The following PKHD1L1 variants were observed in gnomAD, a reference collection of about 807,000 sequenced individuals.
The protein encoded by PKHD1L1 is fibrocystin-L.
Under a neutral mutation model 462.9 loss-of-function variants are expected in PKHD1L1, and 434 were observed. That is an observed-to-expected ratio of 0.94 (90% confidence interval 0.87 to 1.02). The LOEUF is 1.02. PKHD1L1 is among the 50% of genes least tolerant of loss of function. The pLI, the probability that PKHD1L1 is intolerant of heterozygous loss-of-function variation, is 0.00. For missense variants in PKHD1L1, 5,202 were observed against 5,096.1 expected (o/e 1.02, Z -0.63); for synonymous variants, 1,781 against 1,750.0 (o/e 1.02, Z -0.44).
In PKHD1L1 at chr8:109,533,106, C is replaced by A. The variant is rs1230975544; in HGVS notation, c.*3016C>A. Among the ~76,000 whole-genome samples, 1 of 152,206 alleles carries A rather than the reference C, an allele frequency of 6.6e-6. No individual in the cohort carries two copies. The highest frequency in any genetic ancestry group is 1.5e-5 in the Non-Finnish European group (1 of 68,022). On this transcript the variant is annotated 3_prime_UTR_variant, in exon 78 of 78. Transcript: ENST00000378402. ...TTTAACTCCAGAGCCCAAATTCCAA[C>A]ATTTAATTGCTTCCCACTTTTCCTC... is the stretch of plus-strand genomic sequence containing the variant.
rs1563704176 is a variant in PKHD1L1 at position 109,364,142 on chromosome 8, A to G, written c.74-405A>G. Among the ~76,000 whole-genome samples, 7 of 152,002 alleles carry G rather than the reference A, an allele frequency of 4.6e-5. No individual in the cohort carries two copies. In the South Asian group the frequency reaches 1.5e-3, roughly 32 times the overall value. ...AGTCTTTCAAACTACCTAGCATTGCATTTCTTCTGTGCTCTTATAATGACC... is the reference window on the plus strand; with the variant it reads ...AGTCTTTCAAACTACCTAGCATTGCGTTTCTTCTGTGCTCTTATAATGACC... On this transcript the variant is annotated intron_variant, in intron 1 of 77. Transcript: ENST00000378402.
intron 14 of PKHD1L1, among the ~76,000 whole-genome samples, chr8:109,402,092 C>G (rs1485842151): frequency 1.3e-5 from 2 of 152,122 alleles, no homozygotes; most frequent in African/African-American, 4.8e-5. Flanking sequence ...AGGTCAAGTC[C>G]AAGGAGCCAA....
chr8:109,523,215 C>CT lies in PKHD1L1; in HGVS notation c.12331-3dup, dbSNP rs71305955. 0.047 allele frequency: 66,443 copies of CT among 1,411,164 alleles called. 1 individual carries two copies. Among genetic ancestry groups the CT allele is most frequent in the South Asian group, 0.054 (3,919 of 72,988 alleles). 87.4% of individuals were successfully genotyped at this position (1,411,164 alleles called of 1,614,324 possible). A position where few individuals can be genotyped will look rare whatever the true frequency, so the allele number is the denominator to read the frequency against. On this transcript the variant is annotated splice_polypyrimidine_tract_variant and intron_variant, in intron 75 of 77. Transcript: ENST00000378402. ...ACAGGACAATTGTTATAATTATCTACTTTTTTTTTTTTTTTAGGGTAACTG... is the reference window on the plus strand; with the variant it reads ...ACAGGACAATTGTTATAATTATCTACTTTTTTTTTTTTTTTTAGGGTAACTG...
chr8:109,498,868 A>C, intron 67 of PKHD1L1, 97 bp downstream of exon 67: 2 of 1,136,090 alleles, frequency 1.8e-6, no homozygotes, highest in Non-Finnish European at 2.5e-6. Context: ...AAAATGATTT[A>C]AGTGAATTTT....
At chr8:109,371,602 T>TA (rs1179588485) in intron 2 of PKHD1L1, among the ~76,000 whole-genome samples, 1 of 144,502 alleles carries the variant, frequency 6.9e-6, no homozygotes, top group African/African-American at 2.5e-5. Context: ...TGAATGGTAT[T>TA]GCCTAGGTTT....
At chr8:109,414,605 T>C (rs1315500215) in intron 21 of PKHD1L1, among the ~76,000 whole-genome samples, 1 of 152,118 alleles carries the variant, frequency 6.6e-6, no homozygotes, top group Non-Finnish European at 1.5e-5. Flanking sequence ...TTTTATAAGA[T>C]ATGGAGAGCA....
Position 109,476,501 on chromosome 8 carries a change from T to C in PKHD1L1, c.8758-7T>C. 7.0e-7 allele frequency: 1 copy of C among 1,424,048 alleles called. No individual in the cohort carries two copies. Among genetic ancestry groups the C allele is most frequent in the South Asian group, 1.4e-5 (1 of 73,560 alleles). The allele number at this position is 1,424,048 out of a possible 1,614,324, so 88.2% of individuals were successfully genotyped here. ...TACAAGTCACATTTTTCTATAAACT[T>C]TTATAGGAAGAAGACTATGTAATTA... is the stretch of plus-strand genomic sequence containing the variant. On this transcript the variant is annotated splice_polypyrimidine_tract_variant and splice_region_variant and intron_variant, in intron 51 of 77. Coordinates refer to ENST00000378402, the MANE Select transcript of PKHD1L1 (RefSeq NM_177531.6).
chr8:109,513,320 TA>T (rs1394012778), intron 71 of PKHD1L1, among the ~76,000 whole-genome samples: 16 of 152,174 alleles, frequency 1.1e-4, no homozygotes, highest in African/African-American at 3.6e-4. Context: ...AATTTTTACA[TA>T]AAAATAATGT....
At chr8:109,377,570 A>G (rs1369341643) in intron 2 of PKHD1L1, among the ~76,000 whole-genome samples, 1 of 152,204 alleles carries the variant, frequency 6.6e-6, no homozygotes, top group Non-Finnish European at 1.5e-5. Flanking sequence ...AGAGAAAAAT[A>G]ATATTTAAAA....
intron 73 of PKHD1L1, among the ~76,000 whole-genome samples, chr8:109,521,622 A>G (rs1356219154): frequency 2.0e-5 from 3 of 151,392 alleles, no homozygotes; most frequent in Non-Finnish European, 4.4e-5. Flanking sequence ...CAGAAGGTTT[A>G]AGAGGAAACC....
chr8:109,391,203 A>G (rs1043002517), intron 9 of PKHD1L1, among the ~76,000 whole-genome samples: 11 of 152,342 alleles, frequency 7.2e-5, no homozygotes, highest in African/African-American at 2.6e-4. Flanking sequence ...GAGTGTTATC[A>G]TCTACCCTGT....
chr8:109,429,449 G>T lies in PKHD1L1; in HGVS notation c.3110G>T (p.Ser1037Ile). Residue 1037 changes from serine to isoleucine, a missense_variant, in exon 26 of 78, where the codon AGT (serine) becomes ATT (isoleucine). Ser to Ile is a moderately radical substitution (Grantham distance 142). This residue lies in a region of PKHD1L1 where 4,497 missense variants were observed against 4,336.8 expected (regional missense o/e 1.04). Coordinates refer to ENST00000378402, the MANE Select transcript of PKHD1L1 (RefSeq NM_177531.6). ...CTTGGAGACCTACTTCGTACACCCA[G>T]TCAACAGCCACAGGTATTTTTGAAA... is the stretch of plus-strand genomic sequence containing the variant. The part of the protein sequence containing the change: ...HVLGDLLRTP[S>I]QQPQVEVYVN... 1 of 1,607,886 alleles carries T rather than the reference G, an allele frequency of 6.2e-7. No homozygotes were observed. Among genetic ancestry groups the T allele is most frequent in the Non-Finnish European group, 8.5e-7 (1 of 1,176,816 alleles).
chr8:109,413,110 G>C (rs1813945242), intron 20 of PKHD1L1, among the ~76,000 whole-genome samples: 1 of 151,950 alleles, frequency 6.6e-6, no homozygotes, highest in African/African-American at 2.4e-5. Flanking sequence ...TTACTGAGTA[G>C]CTTAGAGTTA....
At chr8:109,437,194 G>A (rs192829361) in intron 30 of PKHD1L1, among the ~76,000 whole-genome samples, 196 of 152,194 alleles carry the variant, frequency 1.3e-3, no homozygotes, top group Non-Finnish European at 2.2e-3. Context: ...GATTACAGAC[G>A]TGAGCCACCA....
chr8:109,450,151 T>C (rs1816403143), intron 40 of PKHD1L1, among the ~76,000 whole-genome samples: 2 of 152,226 alleles, frequency 1.3e-5, no homozygotes, highest in East Asian at 3.8e-4. Flanking sequence ...TCTGCTTCAG[T>C]TTCTCCATGT....
chr8:109,405,509 T>C (rs943506008), intron 16 of PKHD1L1, among the ~76,000 whole-genome samples: 1 of 152,052 alleles, frequency 6.6e-6, no homozygotes, highest in Non-Finnish European at 1.5e-5. Flanking sequence ...TATGCAGCCA[T>C]AAAAAGGGAT....
intron 39 of PKHD1L1, among the ~76,000 whole-genome samples, chr8:109,448,592 A>G (rs898806153): frequency 6.6e-6 from 1 of 151,488 alleles, no homozygotes; most frequent in Non-Finnish European, 1.5e-5. Flanking sequence ...GCTCATTGCA[A>G]GCTCTGCCTC....
intron 68 of PKHD1L1, among the ~76,000 whole-genome samples, chr8:109,506,483 C>T (rs924526516): frequency 6.6e-6 from 1 of 152,158 alleles, no homozygotes; most frequent in African/African-American, 2.4e-5. Flanking sequence ...CTTCTCTTCT[C>T]CCCCTTTTGA....
Position 109,484,010 on chromosome 8 carries a change from G to T in PKHD1L1, c.9576+905G>T, listed in dbSNP as rs1478681070. On this transcript the variant is annotated intron_variant, in intron 57 of 77. Transcript: ENST00000378402. Reference sequence around the variant, plus strand: ...GATGGATTTCATCTCCAAGCTCTCAGATCTCAGCCAGTTCCTTTCTGGTGA... The same window carrying T: ...GATGGATTTCATCTCCAAGCTCTCATATCTCAGCCAGTTCCTTTCTGGTGA... Among the ~76,000 whole-genome samples the T allele has an allele frequency of 3.3e-5, 5 of 151,946 alleles. No homozygotes were observed. The East Asian group carries it at 9.7e-4, about 29-fold the overall frequency.
Sources: gnomAD v4.1 joint callset for allele counts (sites outside exome capture counted in the v4.1 genomes callset) on GRCh38, gnomAD v4.1.1 for gene constraint, gnomAD v4.1.1 regional missense constraint, MANE v1.5 for transcripts, NCBI Gene and HGNC (gene_info 2026-07-23, HGNC 2026-07-21) for gene names.